PLTP: variants seen among roughly 807,000 people sequenced by gnomAD.
PLTP encodes the protein phospholipid transfer protein, also known as BPI fold containing family E.
Under a neutral mutation model 54.1 loss-of-function variants are expected in PLTP, and 43 were observed. The observed-to-expected ratio is 0.79, with a 90% CI of 0.62 to 1.02. The LOEUF (loss-of-function observed/expected upper bound fraction) is 1.02. PLTP is among the 50% of genes least tolerant of loss of function. PLTP has a pLI of 0.00. For synonymous variants in PLTP, 263 were observed against 264.6 expected, an observed-to-expected ratio of 0.99 and a Z score of 0.06; for missense variants, 604 against 645.9, an observed-to-expected ratio of 0.94 and a Z score of 0.70.
At position 45,911,207 on chromosome 20, in the gene PLTP, T is replaced by C. The variant is rs183224779; in HGVS notation, c.145A>G (p.Ile49Val). The change falls in exon 3 of 16, where the codon ATC becomes GTC. Residue 49 changes from isoleucine to valine, a missense_variant. By Grantham distance (29) the Ile-to-Val change is conservative. Coordinates refer to ENST00000372431, the MANE Select transcript of PLTP (RefSeq NM_006227.4). ...TTGCCCCGCAGGTCCGGAATGGTGA[T>C]AGTCTCCAGCTCTTGCTCCAGAAAG... ...LRFLEQELETITIPDLRGKEG... is the reference protein window; with the variant it reads ...LRFLEQELETVTIPDLRGKEG... 6.8e-6 allele frequency: 11 copies of C among 1,614,176 alleles called. No individual in the cohort carries two copies. In the Admixed American group the frequency reaches 1.0e-4, roughly 15 times the overall value.
chr20:45,906,964 C>G (rs2083245916), intron 7 of PLTP, among the ~76,000 whole-genome samples: 1 of 126,362 alleles, frequency 7.9e-6, no homozygotes, highest in African/African-American at 2.6e-5. Flanking sequence ...CCTTCGCTTC[C>G]CATGCCTGTG....
intron 5 of PLTP, 110 bp from the exon 6 acceptor site, chr20:45,908,014 A>G (rs2083257562): frequency 1.0e-6 from 1 of 959,806 alleles, no homozygotes; most frequent in Admixed American, 2.0e-5. Context: ...CCTCAGCTTC[A>G]GCCTGAATAA....
At chr20:45,899,134 A>AAACACTCTGTCTCTT in intron 15 of PLTP, 71 bp from the exon 16 acceptor site, 1 of 1,597,882 alleles carries the variant, frequency 6.3e-7, no homozygotes, top group Non-Finnish European at 8.6e-7. Context: ...ATCAAGAGAC[A>AAACACTCTGTCTCTT]GAGTGTTTGT....
chr20:45,911,894 C>G, intron 1 of PLTP, 185 bp downstream of exon 1: 2 of 244,614 alleles, frequency 8.2e-6, no homozygotes, highest in Admixed American at 5.1e-5. Context: ...AGGAGGTGGC[C>G]GACCAGACCG....
intron 8 of PLTP, 49 bp downstream of exon 8, chr20:45,906,219 G>A: frequency 1.6e-6 from 2 of 1,271,286 alleles, no homozygotes; most frequent in Non-Finnish European, 2.3e-6. Context: ...AGCAGAGAAA[G>A]AGGTCTTGTT....
rs1429209340 is a variant in PLTP, at chr20:45,911,372, G to A, written c.81C>T (p.Thr27=). 6.2e-7 allele frequency: 1 copy of A among 1,612,336 alleles called. No individual in the cohort carries two copies. Among genetic ancestry groups the A allele is most frequent in the African/African-American group, 1.3e-5 (1 of 74,944 alleles). The change falls in exon 2 of 16, where the codon ACC becomes ACT. Residue 27 remains threonine, a synonymous_variant. Transcript: ENST00000372431. ...CCTTACCCAGCTCCAGCGCCTTGGAGGTGACGCGGATCTTGCAGCCTGGGA... is the reference window on the plus strand; with the variant it reads ...CCTTACCCAGCTCCAGCGCCTTGGAAGTGACGCGGATCTTGCAGCCTGGGA... ...AEFPGCKIRV[T]SKALELVKQE...
At position 45,911,342 on chromosome 20, in the gene PLTP, C is replaced by T; in HGVS notation, c.100+11G>A. 6.2e-7 allele frequency: 1 copy of T among 1,613,578 alleles called. No homozygotes were observed. The highest frequency in any genetic ancestry group is 1.6e-4 in the Middle Eastern group (1 of 6,062). ...CGCTCCCGTCCGTCCCTGTCTGCCC[C>T]TGCGCCTTACCCAGCTCCAGCGCCT... is the stretch of plus-strand genomic sequence containing the variant. On this transcript the variant is annotated intron_variant, in intron 2 of 15. Coordinates refer to ENST00000372431, the MANE Select transcript of PLTP (RefSeq NM_006227.4).
In PLTP at chr20:45,899,012, C is replaced by A; in HGVS notation, c.1411G>T (p.Val471Leu). 3 of 1,614,174 alleles carry A rather than the reference C, an allele frequency of 1.9e-6. No homozygotes were observed. The highest frequency in any genetic ancestry group is 2.5e-6 in the Non-Finnish European group (3 of 1,180,018). ...TCAGCAGGCCGGTTCTTCTCAATCACCTCTCGCAGCCCTTTGGCAAAGTGG... is the reference window on the plus strand; with the variant it reads ...TCAGCAGGCCGGTTCTTCTCAATCAACTCTCGCAGCCCTTTGGCAAAGTGG... ...DLHFAKGLRE[V>L]IEKNRPADVR... is the part of the protein sequence containing the mutation. Residue 471 changes from valine (V) to leucine (L), a missense_variant, in exon 16 of 16, where the codon GTG becomes TTG. Transcript: ENST00000372431.
At chr20:45,900,710 G>C (rs138071730) in intron 12 of PLTP, among the ~76,000 whole-genome samples, 14 of 151,944 alleles carry the variant, frequency 9.2e-5, no homozygotes, top group Non-Finnish European at 1.8e-4. Flanking sequence ...AAATTTTTTT[G>C]TAGAGACAGG....
intron 12 of PLTP, among the ~76,000 whole-genome samples, chr20:45,901,285 T>TAGAG (rs2083181623): frequency 6.6e-6 from 1 of 152,084 alleles, no homozygotes; most frequent in South Asian, 2.1e-4. Context: ...ATTAAACACA[T>TAGAG]GGAGAAAATG....
chr20:45,906,276 C>G lies in PLTP; in HGVS notation c.697G>C (p.Asp233His), dbSNP rs1454635484. The G allele has an allele frequency of 6.2e-7, 1 of 1,611,640 alleles. No individual in the cohort carries two copies. Among genetic ancestry groups the G allele is most frequent in the East Asian group, 2.2e-5 (1 of 44,860 alleles). Residue 233 changes from aspartate (D) to histidine (H), a missense_variant, in exon 8 of 16, where the codon GAC becomes CAC. Asp to His is a moderately conservative substitution (Grantham distance 81). Transcript: ENST00000372431. ...PVASTSNLDM[D>H]FRGAFFPLTE... ...CAGCCCAAGCAGCTCACCCGGAAGT[C>G]CATGTCCAGGTTGCTGGTGGAAGCC...
rs1415870559 is a variant in PLTP at position 45,898,852 on chromosome 20, G to C, written c.*89C>G. The C allele has an allele frequency of 1.4e-6, 2 of 1,444,778 alleles. No homozygotes were observed. 89.5% of individuals were successfully genotyped at this position (1,444,778 alleles called of 1,614,324 possible). On this transcript the variant is annotated 3_prime_UTR_variant, in exon 16 of 16. Coordinates refer to ENST00000372431, the MANE Select transcript of PLTP (RefSeq NM_006227.4). This position sits in a 1 kb window ranked among gnomAD's most constrained non-coding sequence, Gnocchi z 4.6. ...CTTCTCTGTGGCACTGGGGGTTAGA[G>C]GGGGCACTACAGGCTATGAATGTGG...
intron 12 of PLTP, 65 bp downstream of exon 12, chr20:45,902,202 A>G: frequency 6.5e-7 from 1 of 1,540,572 alleles, no homozygotes; most frequent in Non-Finnish European, 8.9e-7. Context: ...TTTAAGCGCA[A>G]CATCCCTGTG....
chr20:45,899,927 T>TTCCTC (rs1310644401), intron 12 of PLTP, 49 bp from the exon 13 acceptor site: 2 of 1,495,510 alleles, frequency 1.3e-6, no homozygotes, highest in African/African-American at 1.4e-5. Flanking sequence ...GAAGCTCCCC[T>TTCCTC]TCCTCAGGCC....
Position 45,902,476 on chromosome 20 carries a change from T to C in PLTP, c.1071A>G (p.Pro357=). Residue 357 remains proline, a synonymous_variant, in exon 11 of 16, where the codon CCA becomes CCG. Transcript: ENST00000372431. The stretch of plus-strand genomic sequence containing the variant: ...TGGACAGCTGGACCTCAGGCTGGTC[T>C]GGTGGGACCAGGGCAATGGTGACGC... ...TASVTIALVP[P]DQPEVQLSSM... 6.2e-7 allele frequency: 1 copy of C among 1,614,260 alleles called. No individual in the cohort carries two copies.
At position 45,904,780 on chromosome 20, in the gene PLTP, C is replaced by T. The variant is rs749079529; in HGVS notation, c.942+20G>A. 2.5e-6 allele frequency: 4 copies of T among 1,613,854 alleles called. No homozygotes were observed. Among genetic ancestry groups the T allele is most frequent in the Non-Finnish European group, 3.4e-6 (4 of 1,179,734 alleles). On this transcript the variant is annotated intron_variant, in intron 10 of 15. Coordinates refer to ENST00000372431, the MANE Select transcript of PLTP (RefSeq NM_006227.4). ...CACTGGTGTGCAGGTGGCCCTATCC[C>T]TGCCCCCGCCAGCACTCACCAGCAG...
intron 1 of PLTP, 26 bp downstream of exon 1, chr20:45,912,053 C>G (rs2294213): frequency 0.098 from 16,172 of 164,878 alleles, 1,001 homozygotes; most frequent in East Asian, 0.32. Flanking sequence ...GGACTGGGAA[C>G]GGGATAGGGA....
intron 12 of PLTP, among the ~76,000 whole-genome samples, chr20:45,901,856 G>T (rs1056237101): frequency 2.0e-5 from 3 of 147,980 alleles, no homozygotes; most frequent in African/African-American, 7.5e-5. Flanking sequence ...TCAAGACCAC[G>T]CTATTGCACT....
chr20:45,905,202 AGGCACTGTGGGG>A (rs2083228701), intron 8 of PLTP, 84 bp from the exon 9 acceptor site: 1 of 1,261,296 alleles, frequency 7.9e-7, no homozygotes. Context: ...GCCCCGTGCT[AGGCACTGTGGGG>A]GGATGGTGGG....
Sources: gnomAD v4.1 joint callset for allele counts (sites outside exome capture counted in the v4.1 genomes callset) on GRCh38, gnomAD v4.1.1 for gene constraint, Gnocchi (gnomAD v3.1) non-coding constraint, MANE v1.5 for transcripts, NCBI Gene and HGNC (gene_info 2026-07-23, HGNC 2026-07-21) for gene names.